TMPRSS6: variants seen among roughly 807,000 people sequenced by gnomAD.
The protein encoded by TMPRSS6 is transmembrane serine protease 6, also known as transmembrane protease serine 6.
A neutral mutation model predicts 101.5 loss-of-function variants in TMPRSS6; 67 were observed. That is an observed-to-expected ratio of 0.66 (90% CI 0.54 to 0.81). The LOEUF is 0.81. Ranked by LOEUF, TMPRSS6 falls within the 30% of genes least tolerant of loss-of-function variation. The pLI is 0.00. For missense variants in TMPRSS6, 1,034 were observed against 1,088.7 expected, an observed-to-expected ratio of 0.95 and a Z score of 0.71; for synonymous variants, 453 against 464.9, an observed-to-expected ratio of 0.97 and a Z score of 0.33.
In TMPRSS6 at chr22:37,108,940, A is replaced by C. The variant is rs576670826; in HGVS notation, c.-2+563T>G. Among the ~76,000 whole-genome samples the C allele has an allele frequency of 2.3e-3, 343 of 152,294 alleles. 1 individual carries two copies. Among genetic ancestry groups the C allele is most frequent in the African/African-American group, 8.0e-3 (334 of 41,542 alleles). ...CACACTCACAGACCCACAGATGTAC[A>C]CAGATGGAGACACGCGGAGGGATAT... is the stretch of plus-strand genomic sequence containing the variant. On this transcript the variant is annotated intron_variant, in intron 1 of 17. Transcript: ENST00000676104.
At position 37,084,345 on chromosome 22, in the gene TMPRSS6, C is replaced by G. The variant is rs1228959470; in HGVS notation, c.1146G>C (p.Gln382His). ...LWFDAYALRR[Q>H]KYDLPCTQGQ... ...CCTGGGTGCACGGCAAATCATACTT[C>G]TGCCTCCTCAGTGCATAGGCATCAA... Residue 382 changes from glutamine (Q) to histidine (H), a missense_variant, in exon 10 of 18, where the codon CAG (glutamine) becomes CAC (histidine). Gln to His is a conservative substitution (Grantham distance 24). Coordinates refer to ENST00000676104, the MANE Select transcript of TMPRSS6 (RefSeq NM_001374504.1). 4 of 1,613,654 alleles carry G rather than the reference C, an allele frequency of 2.5e-6. No individual in the cohort carries two copies. Among genetic ancestry groups the G allele is most frequent in the Non-Finnish European group, 3.4e-6 (4 of 1,179,846 alleles).
chr22:37,108,051 C>A (rs1930822216), intron 1 of TMPRSS6, among the ~76,000 whole-genome samples: 2 of 152,356 alleles, frequency 1.3e-5, no homozygotes, highest in South Asian at 2.1e-4. Flanking sequence ...GCCTGGCCAA[C>A]TTCTCCTGCC....
Position 37,100,460 on chromosome 22 carries a change from A to C in TMPRSS6, c.203-1911T>G, listed in dbSNP as rs138493582. Among the ~76,000 whole-genome samples the C allele has an allele frequency of 2.2e-3, 335 of 152,320 alleles. 2 individuals carry two copies. Among genetic ancestry groups the C allele is most frequent in the African/African-American group, 7.1e-3 (296 of 41,574 alleles). On this transcript the variant is annotated intron_variant, in intron 2 of 17. Coordinates refer to ENST00000676104, the MANE Select transcript of TMPRSS6 (RefSeq NM_001374504.1). ...AGCTGTGGCAGAGGAGAGGGTGGGA[A>C]GTGATTGGCGTCAGCTGCTTTTGAT...
intron 10 of TMPRSS6, chr22:37,082,994 G>A (rs1928384854): frequency 2.1e-6 from 1 of 471,058 alleles, no homozygotes; most frequent in Non-Finnish European, 4.4e-6. Flanking sequence ...GTTGGTGATT[G>A]GGAACACACA....
At chr22:37,108,301 G>A (rs1033828839) in intron 1 of TMPRSS6, among the ~76,000 whole-genome samples, 5 of 152,186 alleles carry the variant, frequency 3.3e-5, no homozygotes, top group Non-Finnish European at 7.4e-5. Context: ...TGCAGCCCCT[G>A]TCACCTCAGT....
intron 2 of TMPRSS6, among the ~76,000 whole-genome samples, chr22:37,099,456 C>T (rs1930108115): frequency 6.6e-6 from 1 of 152,142 alleles, no homozygotes; most frequent in Non-Finnish European, 1.5e-5. Context: ...TTTGCAAAGG[C>T]TATTTTGGCT....
At chr22:37,096,514 G>T in intron 4 of TMPRSS6, 134 bp downstream of exon 4, 1 of 997,466 alleles carries the variant, frequency 1.0e-6, no homozygotes, top group Non-Finnish European at 1.6e-6. Flanking sequence ...CATGCAGGAA[G>T]CCAAGTTCCC....
At chr22:37,082,945 T>C in intron 10 of TMPRSS6, 1 of 468,066 alleles carries the variant, frequency 2.1e-6, no homozygotes, top group Admixed American at 2.4e-5. Context: ...GTCTGGATGA[T>C]CCTTTTGAAT....
At chr22:37,108,032 G>T (rs1930821079) in intron 1 of TMPRSS6, among the ~76,000 whole-genome samples, 1 of 152,212 alleles carries the variant, frequency 6.6e-6, no homozygotes, top group Non-Finnish European at 1.5e-5. Context: ...GGTGCTGTGT[G>T]CATATGTGGC....
intron 3 of TMPRSS6, among the ~76,000 whole-genome samples, chr22:37,097,512 C>A (rs1175069568): frequency 1.3e-5 from 2 of 152,382 alleles, no homozygotes; most frequent in Admixed American, 1.3e-4. Flanking sequence ...CCCACTCCAG[C>A]GCTCATGGTT....
In TMPRSS6 at chr22:37,068,979, G is replaced by A. The variant is rs931026649; in HGVS notation, c.2113+94C>T. 18 of 1,495,478 alleles carry A rather than the reference G, an allele frequency of 1.2e-5. 2 individuals carry two copies. The highest frequency in any genetic ancestry group is 6.5e-5 in the Admixed American group (3 of 46,078). The allele number at this position is 1,495,478 out of a possible 1,614,324, so 92.6% of individuals were successfully genotyped here. ...TAGAGGGCCTATGGGGTGGAGCCCC[G>A]GGACCCCCAGCCCCGCCCTTCTCCA... On this transcript the variant is annotated intron_variant, in intron 16 of 17. Coordinates refer to ENST00000676104, the MANE Select transcript of TMPRSS6 (RefSeq NM_001374504.1).
chr22:37,070,643 A>G lies in TMPRSS6; in HGVS notation c.1682T>C (p.Leu561Pro). The change falls in exon 15 of 18, where the codon CTC becomes CCC. Residue 561 changes from leucine to proline, a missense_variant. Leu to Pro is a moderately conservative substitution (Grantham distance 98). Coordinates refer to ENST00000676104, the MANE Select transcript of TMPRSS6 (RefSeq NM_001374504.1). ...GSDEEHCDCG[L>P]QGPSSRIVGG... is the part of the protein sequence containing the mutation. ...AACAATGCGGCTGGAGGGGCCCTGG[A>G]GGCCACAGTCTGGGGATGGGGGCAG... The G allele has an allele frequency of 6.2e-7, 1 of 1,612,844 alleles. No individual in the cohort carries two copies. The highest frequency in any genetic ancestry group is 1.7e-5 in the Admixed American group (1 of 60,020).
At position 37,084,851 on chromosome 22, in the gene TMPRSS6, G is replaced by A; in HGVS notation, c.974-12C>T. 4 of 1,550,066 alleles carry A rather than the reference G, an allele frequency of 2.6e-6. No individual in the cohort carries two copies. The highest frequency in any genetic ancestry group is 2.6e-6 in the Non-Finnish European group (3 of 1,146,434). On this transcript the variant is annotated splice_polypyrimidine_tract_variant and intron_variant, in intron 8 of 17. Coordinates refer to ENST00000676104, the MANE Select transcript of TMPRSS6 (RefSeq NM_001374504.1). ...GTTCACTTCACAGGCTGGACCAGGA[G>A]AGCAGCTGTTACACAGGGGTCCCCT...
In TMPRSS6 at chr22:37,084,714, G is replaced by C; in HGVS notation, c.1086+13C>G. 2 of 1,552,028 alleles carry C rather than the reference G, an allele frequency of 1.3e-6. No individual in the cohort carries two copies. The highest frequency in any genetic ancestry group is 1.7e-6 in the Non-Finnish European group (2 of 1,146,412). On this transcript the variant is annotated intron_variant, in intron 9 of 17. Coordinates refer to ENST00000676104, the MANE Select transcript of TMPRSS6 (RefSeq NM_001374504.1). ...CGGCAGAGGGCAGGTGGGCAGGCAG[G>C]GTGGGGTCTCACCGTGAGGTGCCAG...
Position 37,065,771 on chromosome 22 carries a change from C to A in TMPRSS6, c.*309G>T. On this transcript the variant is annotated 3_prime_UTR_variant, in exon 18 of 18. Transcript: ENST00000676104. ...TCGGGATGTAGAACCAGCATTCTTG[C>A]TGCTGAGCCACTGCCTTGCATTAGG... 1 of 445,476 alleles carries A rather than the reference C, an allele frequency of 2.2e-6. No homozygotes were observed. 27.6% of individuals were successfully genotyped at this position (445,476 alleles called of 1,614,324 possible). A position where few individuals can be genotyped will look rare whatever the true frequency, so the allele number is the denominator to read the frequency against.
At chr22:37,068,499 C>G (rs566317212) in intron 16 of TMPRSS6, 1 of 706,078 alleles carries the variant, frequency 1.4e-6, no homozygotes. Context: ...GGTCAGTGAA[C>G]GTAGAAAGGG....
At chr22:37,105,970 G>A (rs1930688790) in intron 1 of TMPRSS6, among the ~76,000 whole-genome samples, 1 of 152,140 alleles carries the variant, frequency 6.6e-6, no homozygotes, top group Non-Finnish European at 1.5e-5. Context: ...CTTGAGTCTG[G>A]ATCACAAAGG....
intron 10 of TMPRSS6, among the ~76,000 whole-genome samples, chr22:37,078,432 C>A (rs1279849852): frequency 6.6e-6 from 1 of 152,124 alleles, no homozygotes; most frequent in East Asian, 1.9e-4. Flanking sequence ...TACCCGGGAA[C>A]CTGTCTGTCT....
Position 37,103,308 on chromosome 22 carries a change from T to C in TMPRSS6, c.110A>G (p.Lys37Arg). The C allele has an allele frequency of 1.9e-6, 3 of 1,614,076 alleles. No homozygotes were observed. The highest frequency in any genetic ancestry group is 2.5e-6 in the Non-Finnish European group (3 of 1,179,988). Residue 37 changes from lysine (K) to arginine (R), a missense_variant, in exon 2 of 18, where the codon AAA becomes AGA. By Grantham distance (26) the Lys-to-Arg change is conservative. Transcript: ENST00000676104. This position sits in a 1 kb window ranked among gnomAD's most constrained non-coding sequence, Gnocchi z 4.4. Reference sequence around the variant, plus strand: ...CACCAGGCGGAGGTAGCCCCGGGCTTTTCTCTTGGAGTCCTCACAGGCCTT... The same window carrying C: ...CACCAGGCGGAGGTAGCCCCGGGCTCTTCTCTTGGAGTCCTCACAGGCCTT... ...MFKACEDSKR[K>R]ARGYLRLVPL...
Sources: allele counts gnomAD v4.1 joint callset (sites outside exome capture counted in the v4.1 genomes callset), GRCh38; gene constraint gnomAD v4.1.1; non-coding constraint Gnocchi (gnomAD v3.1); transcripts MANE v1.5; gene names NCBI Gene and HGNC (gene_info 2026-07-23, HGNC 2026-07-21).